Variants in ANXA13 observed in about 807,000 individuals in gnomAD.
The protein encoded by ANXA13 is annexin A13.
Under a neutral mutation model 46.6 loss-of-function variants are expected in ANXA13, and 36 were observed. The observed-to-expected ratio is 0.77, with a 90% CI of 0.59 to 1.02. The LOEUF (loss-of-function observed/expected upper bound fraction) is 1.02, where lower values mean the gene tolerates loss of function less well. ANXA13 is among the 50% of genes least tolerant of loss of function. The pLI, the probability that ANXA13 is intolerant of heterozygous loss-of-function variation, is 0.00. For missense variants in ANXA13, 417 were observed against 396.5 expected (o/e 1.05, Z -0.44); for synonymous variants, 163 against 152.9 (o/e 1.07, Z -0.49).
At chr8:123,685,684 A>C (rs1343473520) in intron 9 of ANXA13, among the ~76,000 whole-genome samples, 4 of 152,184 alleles carry the variant, frequency 2.6e-5, no homozygotes, top group African/African-American at 9.7e-5. Flanking sequence ...AGAGGAGCAG[A>C]GTTCGGGAAG....
chr8:123,693,366 C>CTA, intron 7 of ANXA13, 68 bp from the exon 8 acceptor site: 1 of 1,344,872 alleles, frequency 7.4e-7, no homozygotes, highest in South Asian at 1.2e-5. Context: ...AGTGCTGTGA[C>CTA]TAGGCCTCAC....
At chr8:123,682,083 C>A (rs1813049982) in intron 10 of ANXA13, among the ~76,000 whole-genome samples, 1 of 152,070 alleles carries the variant, frequency 6.6e-6, no homozygotes, top group Non-Finnish European at 1.5e-5. Context: ...GTTGGTTGAC[C>A]CCTGGTATAA....
chr8:123,709,376 C>G lies in ANXA13; in HGVS notation c.91+3302G>C, dbSNP rs923848038. ...CTCTCTTCCTCCTTCTCTTCTTTCT[C>G]TCCTTCACTCTCTCCCTCCCTCTCT... On this transcript the variant is annotated intron_variant, in intron 2 of 10. Coordinates refer to ENST00000419625, the MANE Select transcript of ANXA13 (RefSeq NM_004306.4). Among the ~76,000 whole-genome samples, 6 of 151,868 alleles carry G rather than the reference C, an allele frequency of 4.0e-5. No individual in the cohort carries two copies. In the South Asian group the frequency reaches 1.3e-3, roughly 32 times the overall value.
chr8:123,712,613 A>G, intron 2 of ANXA13, 65 bp downstream of exon 2: 1 of 1,348,816 alleles, frequency 7.4e-7, no homozygotes. Context: ...ATCATGGGGA[A>G]GTTGGACATG....
chr8:123,711,924 A>G (rs1240273364), intron 2 of ANXA13: 3 of 152,652 alleles, frequency 2.0e-5, no homozygotes, highest in Non-Finnish European at 4.4e-5. Context: ...ATCTACTTCT[A>G]CATGCTGCTT....
chr8:123,683,424 C>CTT (rs35546652), intron 10 of ANXA13, among the ~76,000 whole-genome samples: 14,877 of 114,450 alleles, frequency 0.13, 1,566 homozygotes, highest in African/African-American at 0.22. Context: ...CATTTAACCA[C>CTT]TTTTTTTTTT....
chr8:123,715,839 T>C (rs1813749980), intron 1 of ANXA13, among the ~76,000 whole-genome samples: 1 of 152,176 alleles, frequency 6.6e-6, no homozygotes, highest in Non-Finnish European at 1.5e-5. Context: ...CAGATCTAAA[T>C]GACATGCCTG....
intron 6 of ANXA13, among the ~76,000 whole-genome samples, chr8:123,694,694 C>T (rs879774064): frequency 6.6e-6 from 1 of 152,170 alleles, no homozygotes; most frequent in Non-Finnish European, 1.5e-5. Flanking sequence ...ATAACCTGAC[C>T]AAAGGACTCA....
At chr8:123,685,227 A>G (rs1353497922) in intron 9 of ANXA13, among the ~76,000 whole-genome samples, 1 of 152,136 alleles carries the variant, frequency 6.6e-6, no homozygotes, top group Non-Finnish European at 1.5e-5. Context: ...AACCTTTTCC[A>G]GGTTCCCCAC....
rs758349155 is a variant in ANXA13 at position 123,695,524 on chromosome 8, T to A, written c.449A>T (p.Lys150Ile). The A allele has an allele frequency of 1.2e-6, 2 of 1,614,174 alleles. No homozygotes were observed. The highest frequency in any genetic ancestry group is 2.2e-5 in the East Asian group (1 of 44,870). Reference protein sequence around the residue: ...VKGDTSGNLKKILVSLLQANR... With the variant: ...VKGDTSGNLKIILVSLLQANR... ...TACCTGCAGCAGAGACACCAGGATT[T>A]TTTTTAGGTTTCCACTTGTATCACC... Residue 150 changes from lysine (K) to isoleucine (I), a missense_variant, in exon 6 of 11, where the codon AAA (lysine) becomes ATA (isoleucine). Transcript: ENST00000419625.
chr8:123,720,723 C>A (rs1476494880), intron 1 of ANXA13, among the ~76,000 whole-genome samples: 2 of 144,916 alleles, frequency 1.4e-5, no homozygotes, highest in African/African-American at 5.1e-5. Flanking sequence ...AACTTGACAT[C>A]AACCCATTAA....
At chr8:123,736,847 C>CTT (rs34405438) in intron 1 of ANXA13, among the ~76,000 whole-genome samples, 45,473 of 113,226 alleles carry the variant, frequency 0.4, 10,246 homozygotes, top group East Asian at 0.64. Context: ...ATCCCCAGTG[C>CTT]TTTTTTTTTT....
intron 7 of ANXA13, 101 bp from the exon 8 acceptor site, chr8:123,693,399 C>A: frequency 1.9e-6 from 2 of 1,043,910 alleles, no homozygotes; most frequent in South Asian, 2.9e-5. Flanking sequence ...ATAAACTATG[C>A]ATTGAATAGA....
At position 123,734,181 on chromosome 8, in the gene ANXA13, T is replaced by C. The variant is rs542636268; in HGVS notation, c.15+3139A>G. On this transcript the variant is annotated intron_variant, in intron 1 of 10. Coordinates refer to ENST00000419625, the MANE Select transcript of ANXA13 (RefSeq NM_004306.4). The stretch of plus-strand genomic sequence containing the variant: ...TTTCCACATTTATCAATGGCTCTAC[T>C]AGGTCTCCCTCCCTCTGTCATTCTG... Among the ~76,000 whole-genome samples the C allele has an allele frequency of 7.0e-3, 1,070 of 152,328 alleles. 15 individuals are homozygous for C. Among genetic ancestry groups the C allele is most frequent in the African/African-American group, 0.025 (1,024 of 41,570 alleles).
intron 9 of ANXA13, among the ~76,000 whole-genome samples, chr8:123,685,860 A>G (rs1048091851): frequency 3.9e-5 from 6 of 152,190 alleles, no homozygotes; most frequent in Non-Finnish European, 1.5e-5. Context: ...CTTGCATGCT[A>G]TTCTGGGGAG....
At chr8:123,695,789 G>T (rs1813320492) in intron 4 of ANXA13, 68 bp from the exon 5 acceptor site, 1 of 1,356,502 alleles carries the variant, frequency 7.4e-7, no homozygotes, top group African/African-American at 1.4e-5. Flanking sequence ...GATACAGAGA[G>T]AAGAGGCGGG....
rs369669981 is a variant in ANXA13 at position 123,718,638 on chromosome 8, G to T, written c.16-5885C>A. ...TGGTGCTGGGGGGACTTCCACTTTGGTTTTTTCTTCCTTCTAGTAGGTCTA... is the reference window on the plus strand; with the variant it reads ...TGGTGCTGGGGGGACTTCCACTTTGTTTTTTTCTTCCTTCTAGTAGGTCTA... On this transcript the variant is annotated intron_variant, in intron 1 of 10. Transcript: ENST00000419625. 5.7e-4 allele frequency among the ~76,000 whole-genome samples: 87 copies of T among 152,254 alleles called. 1 individual carries two copies. The highest frequency in any genetic ancestry group is 2.0e-3 in the African/African-American group (82 of 41,560).
intron 8 of ANXA13, among the ~76,000 whole-genome samples, 156 bp downstream of exon 8, chr8:123,693,041 C>T (rs1813268378): frequency 6.6e-6 from 1 of 152,194 alleles, no homozygotes; most frequent in African/African-American, 2.4e-5. Flanking sequence ...TAATTCTAGA[C>T]ATTATCAAAT....
At position 123,688,868 on chromosome 8, in the gene ANXA13, T is replaced by C; in HGVS notation, c.718+3A>G. ...GACAGGAGCTCTCCTAACTTTACTT[T>C]ACCGAGAGTTAAATAGGCCTTCTGC... On this transcript the variant is annotated splice_donor_region_variant and intron_variant, in intron 9 of 10. Transcript: ENST00000419625. The C allele has an allele frequency of 6.2e-7, 1 of 1,613,544 alleles. No individual in the cohort carries two copies. Among genetic ancestry groups the C allele is most frequent in the Non-Finnish European group, 8.5e-7 (1 of 1,179,576 alleles).
Sources: gnomAD v4.1 joint callset for allele counts (sites outside exome capture counted in the v4.1 genomes callset) on GRCh38, gnomAD v4.1.1 for gene constraint, MANE v1.5 for transcripts, NCBI Gene and HGNC (gene_info 2026-07-23, HGNC 2026-07-21) for gene names.